The following MAMLD1 variants were observed in gnomAD, a reference collection of about 807,000 sequenced individuals.
MAMLD1 encodes mastermind like domain containing 1.
A neutral mutation model predicts 45.0 loss-of-function variants in MAMLD1; 14 were observed. The observed-to-expected ratio is 0.31, with a 90% CI of 0.21 to 0.49. MAMLD1 has a LOEUF of 0.49. Among genes scored for constraint, MAMLD1 ranks in the 20% least tolerant of loss-of-function variants. MAMLD1 has a pLI of 0.99. For synonymous variants in MAMLD1, 254 were observed against 247.8 expected (o/e 1.02, Z -0.24); for missense variants, 543 against 603.6 (o/e 0.90, Z 1.05).
intron 3 of MAMLD1, among the ~76,000 whole-genome samples, chrX:150,463,824 G>A (rs1376046303): frequency 4.5e-5 from 5 of 111,331 alleles, no homozygotes; most frequent in Admixed American, 3.8e-4. Flanking sequence ...CAGCCACCAA[G>A]ACAGCATCCC....
At chrX:150,374,126 T>C (rs1557401386) in intron 1 of MAMLD1, among the ~76,000 whole-genome samples, 4 of 112,628 alleles carry the variant, frequency 3.6e-5, no homozygotes. Context: ...GACTTCTTTG[T>C]GAATCTGATG....
intron 5 of MAMLD1, among the ~76,000 whole-genome samples, chrX:150,500,352 G>T (rs1054396544): frequency 3.6e-5 from 4 of 111,473 alleles, no homozygotes; most frequent in Admixed American, 9.5e-5. Context: ...ATGACTGGGG[G>T]TACGTGACAT....
intron 1 of MAMLD1, among the ~76,000 whole-genome samples, chrX:150,364,252 C>T (rs782002230): frequency 1.2e-4 from 14 of 112,972 alleles, no homozygotes; most frequent in African/African-American, 4.2e-4. Context: ...GGGAAGCCCC[C>T]CGGAGCGCCG....
At chrX:150,481,957 GA>G (rs1468346974) in intron 5 of MAMLD1, among the ~76,000 whole-genome samples, 2 of 78,722 alleles carry the variant, frequency 2.5e-5, no homozygotes, top group African/African-American at 9.8e-5. Flanking sequence ...AAGAAAGAAA[GA>G]AAGAAAAAAG....
chrX:150,497,283 CTTTTTTTT>C (rs782269885), intron 5 of MAMLD1, among the ~76,000 whole-genome samples: 9 of 85,244 alleles, frequency 1.1e-4, no homozygotes, highest in African/African-American at 4.0e-4. Context: ...TCTTTTTTTT[CTTTTTTTT>C]TTTTTTTTTT....
At chrX:150,449,493 C>A (rs1391131361) in intron 2 of MAMLD1, among the ~76,000 whole-genome samples, 1 of 111,542 alleles carries the variant, frequency 9.0e-6, no homozygotes, top group Non-Finnish European at 1.9e-5. Context: ...TAGTCACCTC[C>A]TCCCTTTGTG....
At chrX:150,488,597 A>G (rs1236591607) in intron 5 of MAMLD1, among the ~76,000 whole-genome samples, 2 of 113,231 alleles carry the variant, frequency 1.8e-5, no homozygotes, top group Non-Finnish European at 3.7e-5. Flanking sequence ...TTTATTACAA[A>G]TAACGTCTAC....
intron 1 of MAMLD1, among the ~76,000 whole-genome samples, chrX:150,405,549 G>T (rs1405422813): frequency 1.8e-5 from 2 of 111,909 alleles, no homozygotes; most frequent in African/African-American, 6.5e-5. Context: ...GTGCAGCCAT[G>T]TTATTGCCTG....
intron 6 of MAMLD1, chrX:150,505,115 A>G: frequency 1.3e-6 from 1 of 747,303 alleles, no homozygotes; most frequent in Non-Finnish European, 1.6e-6. Context: ...AATTTCATAT[A>G]CAGATCTCTG....
intron 2 of MAMLD1, among the ~76,000 whole-genome samples, chrX:150,452,927 G>A (rs1427432592): frequency 9.0e-6 from 1 of 110,941 alleles, no homozygotes; most frequent in Non-Finnish European, 1.9e-5. Flanking sequence ...ACAAAGGACT[G>A]GAAGCTTCGG....
At position 150,462,790 on chromosome X, in the gene MAMLD1, A is replaced by G. The variant is rs1186740612; in HGVS notation, c.115A>G (p.Met39Val). Reference sequence around the variant, plus strand: ...CCCCCAGGGAAAGAAGCCCTCGTGGATGGAGGAAGAAGATTTATCTTTTCT... The same window carrying G: ...CCCCCAGGGAAAGAAGCCCTCGTGGGTGGAGGAAGAAGATTTATCTTTTCT... The part of the protein sequence containing the change: ...LQESGKKPSW[M>V]EEEDLSFLYK... The change falls in exon 3 of 8, where the codon ATG (methionine) becomes GTG (valine). Residue 39 changes from methionine (M) to valine (V), a missense_variant. Physicochemically the swap from Met to Val is conservative, Grantham distance 21. Transcript: ENST00000370401. The G allele has an allele frequency of 1.7e-6, 2 of 1,208,766 alleles. No homozygotes were observed.
intron 1 of MAMLD1, among the ~76,000 whole-genome samples, chrX:150,433,797 G>A (rs1274267691): frequency 1.8e-5 from 2 of 111,608 alleles, no homozygotes; most frequent in Non-Finnish European, 3.8e-5. Context: ...ATGTGCTGCC[G>A]GATTCAGTTT....
At chrX:150,496,994 A>G (rs1163065078) in intron 5 of MAMLD1, among the ~76,000 whole-genome samples, 1 of 112,732 alleles carries the variant, frequency 8.9e-6, no homozygotes, top group Non-Finnish European at 1.9e-5. Flanking sequence ...CTCTAATTAA[A>G]TTTCAAATCT....
chrX:150,376,711 G>A (rs1557401468), intron 1 of MAMLD1, among the ~76,000 whole-genome samples: 1 of 111,330 alleles, frequency 9.0e-6, no homozygotes, highest in Non-Finnish European at 1.9e-5. Flanking sequence ...TCTGTTAACA[G>A]TAAATATTTA....
intron 5 of MAMLD1, among the ~76,000 whole-genome samples, chrX:150,494,923 TG>T (rs1250586316): frequency 1.3e-5 from 1 of 78,905 alleles, no homozygotes; most frequent in Admixed American, 1.3e-4. Context: ...ACAAAAACCT[TG>T]GCCGGGTGTG....
chrX:150,483,898 G>T (rs2036901295), intron 5 of MAMLD1, among the ~76,000 whole-genome samples: 1 of 112,260 alleles, frequency 8.9e-6, no homozygotes, highest in African/African-American at 3.2e-5. Context: ...CGAAATTCAG[G>T]CCACTCATTT....
At chrX:150,468,426 G>C (rs1365041587) in intron 3 of MAMLD1, among the ~76,000 whole-genome samples, 1 of 111,307 alleles carries the variant, frequency 9.0e-6, no homozygotes, top group Non-Finnish European at 1.9e-5. Flanking sequence ...GGGGTTATTT[G>C]GGGGGTACCG....
chrX:150,488,703 C>T (rs2037075544), intron 5 of MAMLD1, among the ~76,000 whole-genome samples: 1 of 113,083 alleles, frequency 8.8e-6, no homozygotes, highest in African/African-American at 3.2e-5. Flanking sequence ...GATATTCACA[C>T]ATCAAAAAAG....
intron 5 of MAMLD1, among the ~76,000 whole-genome samples, chrX:150,495,371 G>A (rs782390659): frequency 8.9e-6 from 1 of 112,398 alleles, no homozygotes; most frequent in Non-Finnish European, 1.9e-5. Flanking sequence ...TCAGCTTCCC[G>A]GGAATGTGTA....
Sources: gnomAD v4.1 joint callset for allele counts (sites outside exome capture counted in the v4.1 genomes callset) on GRCh38, gnomAD v4.1.1 for gene constraint, MANE v1.5 for transcripts, NCBI Gene and HGNC (gene_info 2026-07-23, HGNC 2026-07-21) for gene names.